OPCML: variants seen among roughly 807,000 people sequenced by gnomAD.
OPCML encodes opioid binding protein/cell adhesion molecule like, also known as opioid-binding protein/cell adhesion molecule.
A neutral mutation model predicts 37.8 loss-of-function variants in OPCML; 13 were observed. The observed-to-expected ratio is 0.34, with a 90% confidence interval of 0.22 to 0.55. The LOEUF (loss-of-function observed/expected upper bound fraction) is 0.55. OPCML is among the 20% of genes least tolerant of loss of function. The probability of loss-of-function intolerance (pLI) is 0.91; values close to 1 mark genes in which losing one functional copy is unlikely to be tolerated. For missense variants in OPCML, 341 were observed against 435.6 expected (o/e 0.78, Z 1.93); for synonymous variants, 176 against 168.8 (o/e 1.04, Z -0.33).
At chr11:133,099,442 C>CTT (rs35161811) in intron 1 of OPCML, among the ~76,000 whole-genome samples, 9 of 119,460 alleles carry the variant, frequency 7.5e-5, no homozygotes, top group Admixed American at 1.8e-4. Context: ...TTCTTTTTTT[C>CTT]TTTTTTTTTT....
chr11:133,211,616 A>T lies in OPCML; in HGVS notation c.62-268606T>A, dbSNP rs1939361770. Among the ~76,000 whole-genome samples the T allele has an allele frequency of 6.6e-6, 1 of 152,216 alleles. No homozygotes were observed. ...TGGTTTCCTAGAAGGGAGCTGAGGT[A>T]CCCAGAGGCCCTTCCCTAATAGCTG... is the stretch of plus-strand genomic sequence containing the variant. On this transcript the variant is annotated intron_variant, in intron 1 of 7. Transcript: ENST00000524381. This position sits in a 1 kb window ranked among gnomAD's most constrained non-coding sequence, Gnocchi z 4.1.
chr11:133,006,196 T>A, intron 1 of OPCML: 1 of 847,312 alleles, frequency 1.2e-6, no homozygotes, highest in South Asian at 5.4e-5. Flanking sequence ...CCATCTGTAG[T>A]AGGGAGGAGC....
chr11:132,491,358 A>G (rs1385772139), intron 4 of OPCML, among the ~76,000 whole-genome samples: 1 of 152,140 alleles, frequency 6.6e-6, no homozygotes, highest in Admixed American at 6.5e-5. Flanking sequence ...GCTCTCCCTC[A>G]TGCTCCAGCC....
At chr11:132,742,698 A>G (rs1945471394) in intron 2 of OPCML, among the ~76,000 whole-genome samples, 1 of 149,302 alleles carries the variant, frequency 6.7e-6, no homozygotes, top group Non-Finnish European at 1.5e-5. Flanking sequence ...TTTTTATAAT[A>G]TATATTATAT....
chr11:132,428,633 G>A (rs1209533191), intron 7 of OPCML, among the ~76,000 whole-genome samples: 2 of 152,146 alleles, frequency 1.3e-5, no homozygotes, highest in Non-Finnish European at 2.9e-5. Flanking sequence ...CAGTATATGG[G>A]TTTGAAAGAA....
chr11:132,871,064 C>CA (rs1314253484), intron 2 of OPCML, among the ~76,000 whole-genome samples: 10 of 151,830 alleles, frequency 6.6e-5, no homozygotes, highest in East Asian at 1.9e-4. Context: ...GTTCTCATTA[C>CA]AAAAAAATGA....
intron 1 of OPCML, among the ~76,000 whole-genome samples, chr11:132,955,633 C>A (rs1333743236): frequency 6.6e-6 from 1 of 152,130 alleles, no homozygotes; most frequent in Non-Finnish European, 1.5e-5. Flanking sequence ...CCTGTAATCC[C>A]AGCACTTTGG....
intron 1 of OPCML, among the ~76,000 whole-genome samples, chr11:133,152,332 A>G (rs1432889522): frequency 6.6e-6 from 1 of 152,140 alleles, no homozygotes; most frequent in Non-Finnish European, 1.5e-5. Context: ...GCAAAACTCC[A>G]TTGTTATCTG....
At chr11:132,553,034 G>A (rs942095558) in intron 3 of OPCML, among the ~76,000 whole-genome samples, 6 of 152,082 alleles carry the variant, frequency 3.9e-5, no homozygotes, top group Admixed American at 6.6e-5. Context: ...AAAGTGCTGG[G>A]ATTACAGTCA....
intron 2 of OPCML, among the ~76,000 whole-genome samples, chr11:132,858,164 G>A (rs1942137694): frequency 6.6e-6 from 1 of 152,178 alleles, no homozygotes; most frequent in African/African-American, 2.4e-5. Context: ...CTGTATAAAT[G>A]CAGTACTGTA....
chr11:132,541,574 T>A (rs2096356745), intron 3 of OPCML, among the ~76,000 whole-genome samples: 1 of 151,836 alleles, frequency 6.6e-6, no homozygotes. Context: ...AAGTGTCAAG[T>A]GACACTGTGC....
At chr11:133,097,609 A>G in intron 1 of OPCML, among the ~76,000 whole-genome samples, 1 of 152,186 alleles carries the variant, frequency 6.6e-6, no homozygotes, top group Non-Finnish European at 1.5e-5. Context: ...CAATAAAACG[A>G]ATAAGCCTCT....
intron 2 of OPCML, among the ~76,000 whole-genome samples, chr11:132,768,090 G>T (rs759433030): frequency 6.6e-6 from 1 of 152,176 alleles, no homozygotes; most frequent in African/African-American, 2.4e-5. Context: ...ACACGTACAC[G>T]CTGTGGTATA....
intron 3 of OPCML, among the ~76,000 whole-genome samples, chr11:132,623,999 T>C (rs1294982744): frequency 1.3e-5 from 2 of 152,214 alleles, no homozygotes; most frequent in Non-Finnish European, 2.9e-5. Flanking sequence ...CACTTCAGAT[T>C]CTTGAGTCTG....
chr11:132,847,030 G>A (rs1941570688), intron 2 of OPCML, among the ~76,000 whole-genome samples: 1 of 152,156 alleles, frequency 6.6e-6, no homozygotes, highest in Admixed American at 6.5e-5. Context: ...AAAGCATGAG[G>A]CTATCTGCTG....
At chr11:133,321,839 C>T (rs901415899) in intron 1 of OPCML, among the ~76,000 whole-genome samples, 5 of 152,012 alleles carry the variant, frequency 3.3e-5, no homozygotes, top group East Asian at 1.9e-4. Context: ...AAAATACCTG[C>T]GTGACTATTT....
intron 1 of OPCML, among the ~76,000 whole-genome samples, chr11:133,225,300 A>G (rs1004501171): frequency 1.3e-5 from 2 of 152,210 alleles, no homozygotes; most frequent in African/African-American, 2.4e-5. Flanking sequence ...TCTCAAAATC[A>G]TAGTAACAGA....
chr11:132,763,463 C>G (rs1946333629), intron 2 of OPCML, among the ~76,000 whole-genome samples: 1 of 152,084 alleles, frequency 6.6e-6, no homozygotes, highest in Non-Finnish European at 1.5e-5. Context: ...CCACATTTGC[C>G]TAATTTGAAA....
At chr11:133,468,813 G>C (rs1016595565) in intron 1 of OPCML, among the ~76,000 whole-genome samples, 1 of 152,170 alleles carries the variant, frequency 6.6e-6, no homozygotes, top group African/African-American at 2.4e-5. Context: ...TCTCCATTTG[G>C]GTTGAGGTGA....
Sources: gnomAD v4.1 joint callset for allele counts (sites outside exome capture counted in the v4.1 genomes callset) on GRCh38, gnomAD v4.1.1 for gene constraint, Gnocchi (gnomAD v3.1) non-coding constraint, MANE v1.5 for transcripts, NCBI Gene and HGNC (gene_info 2026-07-23, HGNC 2026-07-21) for gene names.